Variants in SKI observed in about 807,000 individuals in gnomAD.
SKI encodes the protein SKI proto-oncogene, also known as ski oncogene.
A neutral mutation model predicts 59.3 loss-of-function variants in SKI; 23 were observed. That is an observed-to-expected ratio of 0.39 (90% confidence interval 0.28 to 0.55). The LOEUF is 0.55. Among genes scored for constraint, SKI ranks in the 20% least tolerant of loss-of-function variants. The probability of loss-of-function intolerance (pLI) is 0.67; values close to 1 mark genes in which losing one functional copy is unlikely to be tolerated. For synonymous variants in SKI, 673 were observed against 488.6 expected (o/e 1.38, Z -4.98); for missense variants, 1,017 against 1,038.9 (o/e 0.98, Z 0.29).
rs573156782 is a variant in SKI, at chr1:2,303,436, G to A, written c.1211+36G>A. On this transcript the variant is annotated intron_variant, in intron 3 of 6. Coordinates refer to ENST00000378536, the MANE Select transcript of SKI (RefSeq NM_003036.4). The surrounding 1 kb of genome is among the most constrained non-coding windows in gnomAD (Gnocchi z 5.6). ...GCCATTCACAGGTGTTTCTGATCAC[G>A]GGGGAGGCTCCACGAGGGCTGTGCA... 53 of 1,554,562 alleles carry A rather than the reference G, an allele frequency of 3.4e-5. No homozygotes were observed. The highest frequency in any genetic ancestry group is 4.4e-5 in the South Asian group (4 of 90,190).
At chr1:2,304,726 C>A in intron 5 of SKI, 141 bp downstream of exon 5, 1 of 1,382,180 alleles carries the variant, frequency 7.2e-7, no homozygotes, top group Non-Finnish European at 9.5e-7. Flanking sequence ...AGTGGGCCTG[C>A]CTGGGACCTT....
In SKI at chr1:2,228,433, G is replaced by A. The variant is rs1009157213; in HGVS notation, c.-334G>A. ...GCCCGCGAGCGTTGGCGTTGGCGTTGGCGGCGCGCGCCGGGGCATGCCCCG... is the reference window on the plus strand; with the variant it reads ...GCCCGCGAGCGTTGGCGTTGGCGTTAGCGGCGCGCGCCGGGGCATGCCCCG... On this transcript the variant is annotated 5_prime_UTR_variant, in exon 1 of 7. Transcript: ENST00000378536. Among the ~76,000 whole-genome samples, 1 of 142,864 alleles carries A rather than the reference G, an allele frequency of 7.0e-6. No homozygotes were observed. Among genetic ancestry groups the A allele is most frequent in the African/African-American group, 2.5e-5 (1 of 39,890 alleles). The allele number at this position is 142,864 out of a possible 152,430, so 93.7% of individuals were successfully genotyped here.
At position 2,306,139 on chromosome 1, in the gene SKI, G is replaced by C. The variant is rs771953750; in HGVS notation, c.1887G>C (p.Glu629Asp). Residue 629 changes from glutamate (E) to aspartate (D), a missense_variant, in exon 6 of 7, where the codon GAG becomes GAC. Transcript: ENST00000378536. Reference protein sequence around the residue: ...LRAENEKKMKEANESRLRLKR... With the variant: ...LRAENEKKMKDANESRLRLKR... ...CCGAGAACGAGAAGAAGATGAAAGA[G>C]GCCAACGAGTCACGGCTGCGCCTGA... 6.3e-7 allele frequency: 1 copy of C among 1,596,322 alleles called. No individual in the cohort carries two copies. The highest frequency in any genetic ancestry group is 1.1e-5 in the South Asian group (1 of 88,200).
At chr1:2,246,881 G>A (rs1462027514) in intron 1 of SKI, among the ~76,000 whole-genome samples, 3 of 152,058 alleles carry the variant, frequency 2.0e-5, no homozygotes, top group Admixed American at 6.5e-5. Context: ...CCTCCACCTC[G>A]CCCACTGTGG....
chr1:2,230,833 CTG>C (rs1638620101), intron 1 of SKI, among the ~76,000 whole-genome samples: 1 of 152,042 alleles, frequency 6.6e-6, no homozygotes, highest in African/African-American at 2.4e-5. Context: ...TTTTCTAAAT[CTG>C]TGAATAGATG....
rs1377043549 is a variant in SKI at position 2,269,883 on chromosome 1, T to G, written c.970-33095T>G. ...CTGTGGCTGGCGTGGGTCTGGCGGGTCTCGTGGTGCCTGTGGCTGGCGTGG... is the reference window on the plus strand; with the variant it reads ...CTGTGGCTGGCGTGGGTCTGGCGGGGCTCGTGGTGCCTGTGGCTGGCGTGG... On this transcript the variant is annotated intron_variant, in intron 1 of 6. Coordinates refer to ENST00000378536, the MANE Select transcript of SKI (RefSeq NM_003036.4). The surrounding 1 kb of genome is among the most constrained non-coding windows in gnomAD (Gnocchi z 4.7). Among the ~76,000 whole-genome samples the G allele has an allele frequency of 1.9e-4, 19 of 100,716 alleles. No homozygotes were observed. Among genetic ancestry groups the G allele is most frequent in the Non-Finnish European group, 2.4e-4 (12 of 50,014 alleles). 66.1% of individuals were successfully genotyped at this position (100,716 alleles called of 152,430 possible). A position where few individuals can be genotyped will look rare whatever the true frequency, so the allele number is the denominator to read the frequency against.
chr1:2,302,210 C>T (rs942185025), intron 1 of SKI, among the ~76,000 whole-genome samples: 1 of 152,080 alleles, frequency 6.6e-6, no homozygotes, highest in African/African-American at 2.4e-5. Flanking sequence ...CTTCGCTAAG[C>T]TTCCTCCACC....
chr1:2,243,523 C>T (rs1053858031), intron 1 of SKI, among the ~76,000 whole-genome samples: 2 of 152,192 alleles, frequency 1.3e-5, no homozygotes, highest in African/African-American at 4.8e-5. Flanking sequence ...CAGCTTTGCT[C>T]GTCCTGTTCT....
intron 1 of SKI, among the ~76,000 whole-genome samples, chr1:2,251,374 G>T (rs1024138448): frequency 6.6e-6 from 1 of 152,104 alleles, no homozygotes; most frequent in Non-Finnish European, 1.5e-5. Context: ...CCTCCCGCCT[G>T]GTGTCCCACA....
At chr1:2,287,393 G>A (rs1640061422) in intron 1 of SKI, among the ~76,000 whole-genome samples, 1 of 148,872 alleles carries the variant, frequency 6.7e-6, no homozygotes, top group South Asian at 2.1e-4. Flanking sequence ...CTGGAGGGCA[G>A]TGGCGCGATC....
Position 2,306,868 on chromosome 1 carries a change from C to T in SKI, c.*103C>T, listed in dbSNP as rs2100926875. 1.3e-6 allele frequency: 1 copy of T among 785,694 alleles called. No homozygotes were observed. Among genetic ancestry groups the T allele is most frequent in the South Asian group, 2.9e-5 (1 of 34,964 alleles). The allele number at this position is 785,694 out of a possible 1,614,324, so 48.7% of individuals were successfully genotyped here. A position where few individuals can be genotyped will look rare whatever the true frequency, so the allele number is the denominator to read the frequency against. ...CTCCGCCCCTGCAGCCCACACAGCA[C>T]AACGTCTTACCGTGCCTATTACCAA... On this transcript the variant is annotated 3_prime_UTR_variant, in exon 7 of 7. Transcript: ENST00000378536.
At chr1:2,294,146 C>T (rs1481750854) in intron 1 of SKI, among the ~76,000 whole-genome samples, 2 of 152,172 alleles carry the variant, frequency 1.3e-5, no homozygotes, top group Non-Finnish European at 2.9e-5. Flanking sequence ...TTCCTCTTCC[C>T]CTGAGCGGGG....
chr1:2,305,213 C>T (rs1251894593), intron 5 of SKI, among the ~76,000 whole-genome samples: 1 of 152,226 alleles, frequency 6.6e-6, no homozygotes, highest in Non-Finnish European at 1.5e-5. Flanking sequence ...CGGTCTCGCG[C>T]CTCCTTTTAC....
chr1:2,273,234 C>T (rs937600162), intron 1 of SKI, among the ~76,000 whole-genome samples: 3 of 152,246 alleles, frequency 2.0e-5, no homozygotes, highest in African/African-American at 7.2e-5. Flanking sequence ...CTCCTTCCCA[C>T]TGGCGCCGGA....
At chr1:2,286,058 G>C (rs1227517927) in intron 1 of SKI, among the ~76,000 whole-genome samples, 1 of 151,708 alleles carries the variant, frequency 6.6e-6, no homozygotes, top group Non-Finnish European at 1.5e-5. Context: ...ATTTTTAGTA[G>C]AGATGGGGTT....
rs771845588 is a variant in SKI at position 2,306,233 on chromosome 1, G to A, written c.1981G>A (p.Ala661Thr). 7.1e-6 allele frequency: 11 copies of A among 1,557,228 alleles called. No homozygotes were observed. The highest frequency in any genetic ancestry group is 4.1e-5 in the African/African-American group (3 of 73,450). The change falls in exon 6 of 7, where the codon GCC becomes ACC. Residue 661 changes from alanine (A) to threonine (T), a missense_variant. Coordinates refer to ENST00000378536, the MANE Select transcript of SKI (RefSeq NM_003036.4). The stretch of plus-strand genomic sequence containing the variant: ...GGGCTGCGAGGCGGGCCGCCTGCGC[G>A]CCAAGTACTCGGCCCAGGTATGCGG... The part of the protein sequence containing the change: ...DKGCEAGRLR[A>T]KYSAQIEDLQ...
chr1:2,306,276 C>T (rs893642617), intron 6 of SKI, 26 bp downstream of exon 6: 7 of 1,525,722 alleles, frequency 4.6e-6, no homozygotes, highest in Middle Eastern at 2.2e-4. Flanking sequence ...GACTGAGGCA[C>T]GCAGCACGGT....
intron 1 of SKI, among the ~76,000 whole-genome samples, chr1:2,248,595 G>T (rs78992115): frequency 6.6e-6 from 1 of 152,342 alleles, no homozygotes; most frequent in African/African-American, 2.4e-5. Flanking sequence ...AGGCGGGGCG[G>T]CGCTCTGCGC....
intron 1 of SKI, among the ~76,000 whole-genome samples, chr1:2,246,459 A>G (rs1007020442): frequency 2.0e-5 from 3 of 151,960 alleles, no homozygotes; most frequent in African/African-American, 4.8e-5. Context: ...CTGTTTGTCT[A>G]CTGCGTGCAC....
Sources: allele counts gnomAD v4.1 joint callset (sites outside exome capture counted in the v4.1 genomes callset), GRCh38; gene constraint gnomAD v4.1.1; non-coding constraint Gnocchi (gnomAD v3.1); transcripts MANE v1.5; gene names NCBI Gene and HGNC (gene_info 2026-07-23, HGNC 2026-07-21).